Variants in KGD4 observed in about 807,000 individuals in gnomAD.
KGD4 encodes the protein alpha-ketoglutarate dehydrogenase subunit 4, also known as alpha-ketoglutarate dehydrogenase component 4.
the KGD4 span, among the ~76,000 whole-genome samples, chr5:69,223,590 T>C: frequency 1.1e-5 from 1 of 91,326 alleles, no homozygotes; most frequent in African/African-American, 4.1e-5. Flanking sequence ...ATTCGTTACA[T>C]AGCAATTTAT....
the KGD4 span, among the ~76,000 whole-genome samples, chr5:69,226,927 A>G: frequency 6.6e-6 from 1 of 152,046 alleles, no homozygotes; most frequent in Admixed American, 6.5e-5. Context: ...GCTGGAGTGC[A>G]GTGGTGCTAT....
At chr5:69,228,222 A>C in the KGD4 span, 1 of 1,575,564 alleles carries the variant, frequency 6.3e-7, no homozygotes, top group Admixed American at 1.9e-5. Context: ...TGAGATCAGC[A>C]GGGCTACCAT....
At chr5:69,229,279 A>T in the KGD4 span, 4 of 1,500,060 alleles carry the variant, frequency 2.7e-6, no homozygotes, top group Non-Finnish European at 3.7e-6. Context: ...ACAATAAAGG[A>T]CTTCCAAAAT....
At chr5:69,217,971 T>C in the KGD4 span, 2 of 1,591,478 alleles carry the variant, frequency 1.3e-6, no homozygotes, top group East Asian at 2.2e-5. Context: ...GGCAGAGCGG[T>C]GACCGCGCCT....
the KGD4 span, chr5:69,228,228 A>G: frequency 6.3e-7 from 1 of 1,592,428 alleles, no homozygotes; most frequent in Non-Finnish European, 8.5e-7. Context: ...CAGCAGGGCT[A>G]CCATCTCACT....
chr5:69,225,725 C>T, the KGD4 span, among the ~76,000 whole-genome samples: 1 of 151,962 alleles, frequency 6.6e-6, no homozygotes, highest in African/African-American at 2.4e-5. Flanking sequence ...GGATTACAGG[C>T]ACGCATCACC....
the KGD4 span, among the ~76,000 whole-genome samples, chr5:69,220,501 C>T: frequency 6.6e-6 from 1 of 152,110 alleles, no homozygotes; most frequent in East Asian, 1.9e-4. Flanking sequence ...TAAAAATTAG[C>T]CAGGCAGCCG....
the KGD4 span, chr5:69,217,995 G>A: frequency 6.6e-7 from 1 of 1,505,654 alleles, no homozygotes; most frequent in Non-Finnish European, 9.1e-7. Flanking sequence ...CGGAGGGCCA[G>A]TGACGGCGCC....
At chr5:69,219,478 A>G in the KGD4 span, among the ~76,000 whole-genome samples, 2 of 152,112 alleles carry the variant, frequency 1.3e-5, no homozygotes, top group Non-Finnish European at 2.9e-5. Context: ...CCCCCAAACC[A>G]CAAACAATCT....
chr5:69,225,296 G>A, the KGD4 span, among the ~76,000 whole-genome samples: 2 of 128,922 alleles, frequency 1.6e-5, no homozygotes, highest in African/African-American at 5.9e-5. Flanking sequence ...ACGGAGTCTC[G>A]CTCTGTGGTC....
the KGD4 span, among the ~76,000 whole-genome samples, chr5:69,220,880 C>T: frequency 6.6e-6 from 1 of 152,108 alleles, no homozygotes; most frequent in African/African-American, 2.4e-5. Flanking sequence ...AATCTATAAC[C>T]TTACCCCCAA....
the KGD4 span, among the ~76,000 whole-genome samples, chr5:69,225,367 G>A: frequency 0.38 from 56,189 of 149,318 alleles, 11,266 homozygotes; most frequent in Non-Finnish European, 0.46. Flanking sequence ...GCGTTCAAGC[G>A]ATTCTCCTGC....
chr5:69,222,648 G>A, the KGD4 span, among the ~76,000 whole-genome samples: 11 of 152,064 alleles, frequency 7.2e-5, no homozygotes, highest in Non-Finnish European at 1.0e-4. Flanking sequence ...GGCTCAAGCC[G>A]TCTTCCCAAA....
At chr5:69,217,914 C>T in the KGD4 span, 5 of 1,613,832 alleles carry the variant, frequency 3.1e-6, no homozygotes, top group African/African-American at 1.3e-5. Flanking sequence ...GCGGTAGGGA[C>T]GGTGCTGACT....
the KGD4 span, among the ~76,000 whole-genome samples, chr5:69,220,680 C>T: frequency 6.6e-6 from 1 of 152,048 alleles, no homozygotes; most frequent in African/African-American, 2.4e-5. Flanking sequence ...TACCCAACAG[C>T]TCTGAAGAGA....
the KGD4 span, among the ~76,000 whole-genome samples, chr5:69,228,923 G>A: frequency 6.6e-4 from 99 of 150,576 alleles, no homozygotes; most frequent in African/African-American, 2.3e-3. Context: ...GCTGAGGCAG[G>A]AGAATCTCTT....
At chr5:69,218,421 A>T in the KGD4 span, among the ~76,000 whole-genome samples, 4 of 152,120 alleles carry the variant, frequency 2.6e-5, no homozygotes, top group Non-Finnish European at 5.9e-5. Flanking sequence ...CAGATGAGGG[A>T]AATAGAAAAG....
chr5:69,219,923 G>C, the KGD4 span, among the ~76,000 whole-genome samples: 1 of 152,124 alleles, frequency 6.6e-6, no homozygotes, highest in Admixed American at 6.6e-5. Flanking sequence ...TATAAAGCTA[G>C]GACTACAGTG....
At chr5:69,223,203 C>A in the KGD4 span, among the ~76,000 whole-genome samples, 1 of 150,732 alleles carries the variant, frequency 6.6e-6, no homozygotes, top group Non-Finnish European at 1.5e-5. Flanking sequence ...CTCAGCCTCC[C>A]GAGTACCTGG....
Sources: allele counts gnomAD v4.1 joint callset (sites outside exome capture counted in the v4.1 genomes callset), GRCh38; gene constraint gnomAD v4.1.1; transcripts MANE v1.5; gene names NCBI Gene and HGNC (gene_info 2026-07-23, HGNC 2026-07-21).